AKAP13: variants seen among roughly 807,000 people sequenced by gnomAD.
AKAP13 encodes the protein A-kinase anchoring protein 13.
In AKAP13, 80 loss-of-function variants were observed where a neutral mutation model predicts 264.5. The ratio of observed to expected loss-of-function variants is 0.30; its 90% CI spans 0.25 to 0.36. The LOEUF (loss-of-function observed/expected upper bound fraction) is 0.36, where lower values mean the gene tolerates loss of function less well. Ranked by LOEUF, AKAP13 falls within the 10% of genes least tolerant of loss-of-function variation. The pLI is 1.00. For missense variants in AKAP13, 3,712 were observed against 3,435.2 expected, an observed-to-expected ratio of 1.08 and a Z score of -2.01; for synonymous variants, 1,380 against 1,250.2, an observed-to-expected ratio of 1.10 and a Z score of -2.19.
At chr15:85,425,914 AAG>A (rs1007952122) in intron 1 of AKAP13, among the ~76,000 whole-genome samples, 35 of 152,242 alleles carry the variant, frequency 2.3e-4, no homozygotes, top group African/African-American at 6.3e-4. Flanking sequence ...TAAAAAAAAA[AAG>A]AGTCATTATC....
intron 1 of AKAP13, among the ~76,000 whole-genome samples, chr15:85,409,003 T>C (rs978032742): frequency 2.0e-5 from 3 of 151,842 alleles, no homozygotes; most frequent in Admixed American, 2.0e-4. Flanking sequence ...TTTCTGTTTT[T>C]GTGACAGTAG....
rs561957547 is a variant in AKAP13, at chr15:85,516,776, A to AT, written c.34-4649dup. ...GGTGTAAATACTCCCATAATGGTTGATTTCAGGTATCCACACCACATTACG... is the reference window on the plus strand; with the variant it reads ...GGTGTAAATACTCCCATAATGGTTGATTTTCAGGTATCCACACCACATTACG... On this transcript the variant is annotated intron_variant, in intron 2 of 36. Coordinates refer to ENST00000394518, the MANE Select transcript of AKAP13 (RefSeq NM_007200.5). Among the ~76,000 whole-genome samples, 625 of 152,260 alleles carry AT rather than the reference A, an allele frequency of 4.1e-3. 4 individuals are homozygous for AT. The highest frequency in any genetic ancestry group is 0.014 in the African/African-American group (581 of 41,542).
chr15:85,541,737 T>TG (rs2151208783), intron 4 of AKAP13, among the ~76,000 whole-genome samples: 1 of 152,288 alleles, frequency 6.6e-6, no homozygotes, highest in African/African-American at 2.4e-5. Context: ...GAAGATAGAA[T>TG]GGAAAAAGTT....
chr15:85,687,804 T>G (rs1319965073), intron 16 of AKAP13, among the ~76,000 whole-genome samples: 6 of 152,162 alleles, frequency 3.9e-5, no homozygotes, highest in Non-Finnish European at 8.8e-5. Flanking sequence ...ACTTTGAGGC[T>G]GAGATGAGAA....
chr15:85,630,291 AT>A (rs991306028), intron 8 of AKAP13, among the ~76,000 whole-genome samples: 3 of 145,852 alleles, frequency 2.1e-5, no homozygotes, highest in African/African-American at 7.6e-5. Flanking sequence ...AAGATGGAAA[AT>A]TGTAATTCCG....
At chr15:85,434,460 G>A (rs963033024) in intron 1 of AKAP13, among the ~76,000 whole-genome samples, 1 of 152,220 alleles carries the variant, frequency 6.6e-6, no homozygotes, top group Non-Finnish European at 1.5e-5. Context: ...GAACTGGGTG[G>A]AGCCCACCAC....
chr15:85,496,911 G>A (rs913788407), intron 2 of AKAP13, among the ~76,000 whole-genome samples: 7 of 151,654 alleles, frequency 4.6e-5, no homozygotes, highest in African/African-American at 1.7e-4. Flanking sequence ...GTTTCTTTCT[G>A]TTGGACTTTT....
intron 1 of AKAP13, among the ~76,000 whole-genome samples, chr15:85,397,538 G>C (rs754347360): frequency 6.6e-6 from 1 of 152,152 alleles, no homozygotes; most frequent in Non-Finnish European, 1.5e-5. Context: ...GTTGAAATCT[G>C]CGGGGACAAG....
chr15:85,509,304 G>T (rs2076341069), intron 2 of AKAP13, among the ~76,000 whole-genome samples: 2 of 152,150 alleles, frequency 1.3e-5, no homozygotes, highest in African/African-American at 4.8e-5. Context: ...CGAGTAGCAT[G>T]TTGCATTTAA....
At chr15:85,402,209 A>G (rs1198783875) in intron 1 of AKAP13, among the ~76,000 whole-genome samples, 2 of 152,238 alleles carry the variant, frequency 1.3e-5, no homozygotes, top group Non-Finnish European at 2.9e-5. Flanking sequence ...TGGGGAGGGC[A>G]TGAAAAAGAG....
At chr15:85,601,618 G>C (rs1020078439) in intron 8 of AKAP13, among the ~76,000 whole-genome samples, 1 of 149,558 alleles carries the variant, frequency 6.7e-6, no homozygotes, top group Non-Finnish European at 1.5e-5. Flanking sequence ...TTGTGTGTGT[G>C]TGTGTGTGTG....
intron 1 of AKAP13, among the ~76,000 whole-genome samples, chr15:85,435,021 C>T (rs2150936279): frequency 6.7e-6 from 1 of 149,048 alleles, no homozygotes; most frequent in East Asian, 2.0e-4. Context: ...TCAAATTACT[C>T]TGAGCTACGG....
intron 1 of AKAP13, among the ~76,000 whole-genome samples, chr15:85,435,419 C>T (rs1455562372): frequency 2.6e-5 from 3 of 116,308 alleles, no homozygotes; most frequent in Non-Finnish European, 5.2e-5. Context: ...AGAACTTCCC[C>T]AATCTAGCAA....
intron 1 of AKAP13, chr15:85,415,130 T>A (rs2072178787): frequency 4.2e-6 from 3 of 717,748 alleles, no homozygotes; most frequent in Non-Finnish European, 4.7e-6. Flanking sequence ...TCCCAGGAGT[T>A]TCAGAGGGAA....
intron 12 of AKAP13, among the ~76,000 whole-genome samples, chr15:85,659,766 C>T (rs1374951598): frequency 1.3e-5 from 2 of 152,116 alleles, no homozygotes; most frequent in Admixed American, 6.6e-5. Context: ...AGTTTCATCC[C>T]TAGTGAAACT....
At chr15:85,732,809 T>G (rs979707563) in intron 30 of AKAP13, among the ~76,000 whole-genome samples, 10 of 150,840 alleles carry the variant, frequency 6.6e-5, no homozygotes, top group Non-Finnish European at 1.2e-4. Context: ...TACTATTAAC[T>G]AATACTAATT....
At chr15:85,431,763 A>G (rs7183470) in intron 1 of AKAP13, among the ~76,000 whole-genome samples, 42,680 of 152,180 alleles carry the variant, frequency 0.28, 8,364 homozygotes, top group African/African-American at 0.54. Flanking sequence ...ACATTTTACA[A>G]TATTCTTGCT....
At chr15:85,540,362 C>A (rs2077544062) in intron 4 of AKAP13, among the ~76,000 whole-genome samples, 1 of 152,162 alleles carries the variant, frequency 6.6e-6, no homozygotes, top group South Asian at 2.1e-4. Flanking sequence ...AGGATAACCT[C>A]CCTTATTAGA....
At chr15:85,534,718 A>G (rs1312705278) in intron 4 of AKAP13, 2 of 152,096 alleles carry the variant, frequency 1.3e-5, no homozygotes, top group African/African-American at 4.8e-5. Context: ...GATTATAGGC[A>G]TGAGCCACTG....
Sources: gnomAD v4.1 joint callset for allele counts (sites outside exome capture counted in the v4.1 genomes callset) on GRCh38, gnomAD v4.1.1 for gene constraint, MANE v1.5 for transcripts, NCBI Gene and HGNC (gene_info 2026-07-23, HGNC 2026-07-21) for gene names.